The following RBAK variants were observed in gnomAD, a reference collection of about 807,000 sequenced individuals.
The protein encoded by RBAK is RB-associated KRAB zinc finger protein.
In RBAK, 39 loss-of-function variants were observed where a neutral mutation model predicts 65.8. That is an observed-to-expected ratio of 0.59 (90% CI 0.46 to 0.77). RBAK has a LOEUF of 0.77. RBAK is among the 30% of genes least tolerant of loss of function. RBAK has a pLI of 0.00. For synonymous variants in RBAK, 343 were observed against 289.7 expected (o/e 1.18, Z -1.87); for missense variants, 884 against 855.1 (o/e 1.03, Z -0.42).
chr7:5,064,927 G>A lies in RBAK; in HGVS notation c.1471G>A (p.Gly491Arg). ...GAAATCCCATGAATGTAGTGAATGT[G>A]GAAAGTTCTCTCAGTTGTATCTCAC... ...EEKSHECSEC[G>R]KFSQLYLTDH... Residue 491 changes from glycine (G) to arginine (R), a missense_variant, in exon 5 of 5, where the codon GGA becomes AGA. Coordinates refer to ENST00000396912, the MANE Select transcript of RBAK (RefSeq NM_021163.4). The surrounding 1 kb of genome is among the most constrained non-coding windows in gnomAD (Gnocchi z 6.3). 1 of 1,613,928 alleles carries A rather than the reference G, an allele frequency of 6.2e-7. No individual in the cohort carries two copies. Among genetic ancestry groups the A allele is most frequent in the African/African-American group, 1.3e-5 (1 of 74,994 alleles).
Position 5,064,732 on chromosome 7 carries a change from G to T in RBAK, c.1276G>T (p.Glu426Ter). 1.2e-6 allele frequency: 2 copies of T among 1,614,076 alleles called. No homozygotes were observed. Among genetic ancestry groups the T allele is most frequent in the Non-Finnish European group, 1.7e-6 (2 of 1,179,940 alleles). ...TACACATCAGAGAACACACACGGGA[G>T]AGAAGCCCTATCAGTGTAGCGAGTG... ...LITHQRTHTG[E>*]KPYQCSECGK... Residue 426 changes from glutamate to a stop codon, truncating the protein, a stop_gained, in exon 5 of 5, where the codon GAG (glutamate) becomes TAG (stop). Transcript: ENST00000396912. LOFTEE classifies it high-confidence loss of function. The surrounding 1 kb of genome is among the most constrained non-coding windows in gnomAD (Gnocchi z 6.3).
At chr7:5,063,254 C>T (rs1779121789) in intron 4 of RBAK, among the ~76,000 whole-genome samples, 2 of 152,244 alleles carry the variant, frequency 1.3e-5, no homozygotes, top group African/African-American at 2.4e-5. Flanking sequence ...CAGCCAGTCC[C>T]TCCGTTTGGG....
Position 5,048,047 on chromosome 7 carries a change from G to A in RBAK, c.-30G>A, listed in dbSNP as rs1411264971. The A allele has an allele frequency of 2.5e-6, 4 of 1,584,884 alleles. No individual in the cohort carries two copies. Among genetic ancestry groups the A allele is most frequent in the Non-Finnish European group, 3.4e-6 (4 of 1,164,374 alleles). On this transcript the variant is annotated 5_prime_UTR_variant, in exon 2 of 5. Coordinates refer to ENST00000396912, the MANE Select transcript of RBAK (RefSeq NM_021163.4). This position sits in a 1 kb window ranked among gnomAD's most constrained non-coding sequence, Gnocchi z 4.4. Reference sequence around the variant, plus strand: ...TCCCCCTCTAGGTCTACCAGCCACAGTCTCTGCACGTTTCCAAGAGCAGCA... The same window carrying A: ...TCCCCCTCTAGGTCTACCAGCCACAATCTCTGCACGTTTCCAAGAGCAGCA...
Position 5,068,630 on chromosome 7 carries a change from GA to G in RBAK, c.*3030del, listed in dbSNP as rs1779279782. 6.6e-6 allele frequency: 1 copy of G among 152,180 alleles called. No homozygotes were observed. The highest frequency in any genetic ancestry group is 1.9e-4 in the East Asian group (1 of 5,204). The allele number at this position is 152,180 out of a possible 1,614,324, so 9.4% of individuals were successfully genotyped here. On this transcript the variant is annotated 3_prime_UTR_variant, in exon 5 of 5. Transcript: ENST00000396912. ...TACACTACTGGTGGAATTGCTCATC[GA>G]TAAAACCATTTTGAAAGCTGGCACT...
Position 5,057,377 on chromosome 7 carries a change from A to C in RBAK, c.98A>C (p.Tyr33Ser). 1.2e-6 allele frequency: 2 copies of C among 1,614,106 alleles called. No individual in the cohort carries two copies. Among genetic ancestry groups the C allele is most frequent in the Non-Finnish European group, 1.7e-6 (2 of 1,180,028 alleles). ...QQLDPDEKIT[Y>S]RDVMLENYSH... ...CTGGACCCTGATGAGAAGATAACTT[A>C]CAGGGATGTGATGTTGGAGAACTAT... is the stretch of plus-strand genomic sequence containing the variant. The change falls in exon 3 of 5, where the codon TAC becomes TCC. Residue 33 changes from tyrosine to serine, a missense_variant. By Grantham distance (144) the Tyr-to-Ser change is moderately radical (BLOSUM62 -2). Coordinates refer to ENST00000396912, the MANE Select transcript of RBAK (RefSeq NM_021163.4).
chr7:5,058,560 T>C (rs550152439), intron 4 of RBAK, among the ~76,000 whole-genome samples: 2 of 152,336 alleles, frequency 1.3e-5, no homozygotes, highest in African/African-American at 4.8e-5. Context: ...CCTCCACCTA[T>C]GCTTGTGAAC....
Position 5,064,662 on chromosome 7 carries a change from A to G in RBAK, c.1206A>G (p.Lys402=). The change falls in exon 5 of 5, where the codon AAA becomes AAG. Residue 402 remains lysine, a synonymous_variant. Transcript: ENST00000396912. This position sits in a 1 kb window ranked among gnomAD's most constrained non-coding sequence, Gnocchi z 6.3. ...CTCACACGGGAGAGAAGCTTTATAA[A>G]TGTAATGAATGTGGGAAATCCTACT... ...QRTHTGEKLY[K]CNECGKSYYR... is the part of the protein sequence containing the mutation. 1.2e-6 allele frequency: 2 copies of G among 1,611,980 alleles called. No individual in the cohort carries two copies. Among genetic ancestry groups the G allele is most frequent in the South Asian group, 2.2e-5 (2 of 90,928 alleles).
chr7:5,047,996 C>G (rs1272119826), intron 1 of RBAK, 37 bp from the exon 2 acceptor site: 9 of 1,118,876 alleles, frequency 8.0e-6, no homozygotes, highest in Non-Finnish European at 1.2e-5. Context: ...CAGGCCAGAG[C>G]ACTCATGACT....
At chr7:5,062,525 A>G (rs1779102398) in intron 4 of RBAK, among the ~76,000 whole-genome samples, 1 of 152,214 alleles carries the variant, frequency 6.6e-6, no homozygotes, top group South Asian at 2.1e-4. Context: ...TCACAGGACC[A>G]CAGGACCGGG....
Position 5,064,941 on chromosome 7 carries a change from G to A in RBAK, c.1485G>A (p.Gln495=), listed in dbSNP as rs1287804096. 2 of 1,613,974 alleles carry A rather than the reference G, an allele frequency of 1.2e-6. No individual in the cohort carries two copies. The highest frequency in any genetic ancestry group is 1.7e-5 in the Admixed American group (1 of 59,996). ...HECSECGKFS[Q]LYLTDHHTAH... is the part of the protein sequence containing the mutation. ...GTAGTGAATGTGGAAAGTTCTCTCA[G>A]TTGTATCTCACCGACCATCATACAG... The change falls in exon 5 of 5, where the codon CAG becomes CAA. Residue 495 remains glutamine (Q), a synonymous_variant. Coordinates refer to ENST00000396912, the MANE Select transcript of RBAK (RefSeq NM_021163.4). The surrounding 1 kb of genome is among the most constrained non-coding windows in gnomAD (Gnocchi z 6.3).
chr7:5,064,147 A>G lies in RBAK; in HGVS notation c.691A>G (p.Lys231Glu). 6.2e-7 allele frequency: 1 copy of G among 1,613,680 alleles called. No homozygotes were observed. Residue 231 changes from lysine (K) to glutamate (E), a missense_variant, in exon 5 of 5, where the codon AAG becomes GAG. Coordinates refer to ENST00000396912, the MANE Select transcript of RBAK (RefSeq NM_021163.4). This position sits in a 1 kb window ranked among gnomAD's most constrained non-coding sequence, Gnocchi z 6.3. ...IAHKRAYIGE[K>E]PYEWNDSGPD... is the part of the protein sequence containing the mutation. The stretch of plus-strand genomic sequence containing the variant: ...TCATAAGAGAGCTTACATAGGGGAG[A>G]AGCCCTATGAGTGGAATGATTCTGG...
chr7:5,053,747 G>C (rs1381177750), intron 2 of RBAK, among the ~76,000 whole-genome samples: 2 of 152,114 alleles, frequency 1.3e-5, no homozygotes, highest in African/African-American at 2.4e-5. Flanking sequence ...ATCTTGTCCA[G>C]TATAATTTTC....
chr7:5,058,708 T>G (rs1432558927), intron 4 of RBAK, among the ~76,000 whole-genome samples: 1 of 152,178 alleles, frequency 6.6e-6, no homozygotes, highest in Non-Finnish European at 1.5e-5. Flanking sequence ...TCCCCATAAC[T>G]GGAATCATGC....
rs753519953 is a variant in RBAK, at chr7:5,057,360, T to C, written c.81T>C (p.Pro27=). The part of the protein sequence containing the change: ...FTQEEWQQLD[P]DEKITYRDVM... ...AGGAGGAGTGGCAGCAGCTGGACCC[T>C]GATGAGAAGATAACTTACAGGGATG... Residue 27 remains proline (P), a synonymous_variant, in exon 3 of 5, where the codon CCT becomes CCC. Transcript: ENST00000396912. The C allele has an allele frequency of 4.3e-6, 7 of 1,614,044 alleles. No individual in the cohort carries two copies. In the Admixed American group the frequency reaches 1.0e-4, roughly 23 times the overall value.
rs368665058 is a variant in RBAK at position 5,064,325 on chromosome 7, A to C, written c.869A>C (p.Glu290Ala). 23 of 1,614,074 alleles carry C rather than the reference A, an allele frequency of 1.4e-5. No individual in the cohort carries two copies. The African/African-American group carries it at 2.7e-4, about 19-fold the overall frequency. Residue 290 changes from glutamate to alanine, a missense_variant, in exon 5 of 5, where the codon GAA (glutamate) becomes GCA (alanine). Physicochemically the swap from Glu to Ala is moderately radical, Grantham distance 107. Coordinates refer to ENST00000396912, the MANE Select transcript of RBAK (RefSeq NM_021163.4). This position sits in a 1 kb window ranked among gnomAD's most constrained non-coding sequence, Gnocchi z 6.3. ...QRAHTGEKPY[E>A]CNVCGKSFSQ... ...GCTCACACAGGAGAGAAACCTTATG[A>C]ATGTAATGTATGTGGGAAATCCTTC...
At chr7:5,056,094 T>C (rs1445500666) in intron 2 of RBAK, among the ~76,000 whole-genome samples, 11 of 151,046 alleles carry the variant, frequency 7.3e-5, no homozygotes, top group African/African-American at 2.7e-4. Context: ...CCCAGGAGTT[T>C]TGCATTTTTC....
At position 5,063,681 on chromosome 7, in the gene RBAK, T is replaced by A. The variant is rs377226599; in HGVS notation, c.239-14T>A. The A allele has an allele frequency of 3.1e-5, 48 of 1,558,796 alleles. No individual in the cohort carries two copies. The highest frequency in any genetic ancestry group is 4.1e-5 in the Non-Finnish European group (47 of 1,156,022). ...TCAGATTTACAAAGTTTGTTTACTA[T>A]TTTTCCTTTTTAGAAGCCTGGAGAG... On this transcript the variant is annotated splice_polypyrimidine_tract_variant and intron_variant, in intron 4 of 4. Transcript: ENST00000396912.
chr7:5,050,850 CA>C (rs1788101227), intron 2 of RBAK, among the ~76,000 whole-genome samples: 1 of 152,164 alleles, frequency 6.6e-6, no homozygotes, highest in South Asian at 2.1e-4. Flanking sequence ...GCATTACAGG[CA>C]TGAGTCACCA....
intron 2 of RBAK, among the ~76,000 whole-genome samples, chr7:5,051,485 A>T (rs898044526): frequency 2.6e-5 from 4 of 152,194 alleles, no homozygotes; most frequent in African/African-American, 9.7e-5. Flanking sequence ...GAATTCAGGA[A>T]ATTTATCATT....
Sources: gnomAD v4.1 joint callset for allele counts (sites outside exome capture counted in the v4.1 genomes callset) on GRCh38, gnomAD v4.1.1 for gene constraint, Gnocchi (gnomAD v3.1) non-coding constraint, MANE v1.5 for transcripts, NCBI Gene and HGNC (gene_info 2026-07-23, HGNC 2026-07-21) for gene names.